MACROD2: variants seen among roughly 807,000 people sequenced by gnomAD.
MACROD2 encodes ADP-ribose glycohydrolase MACROD2.
A neutral mutation model predicts 70.4 loss-of-function variants in MACROD2; 36 were observed. The observed-to-expected ratio is 0.51, with a 90% CI of 0.39 to 0.68. The LOEUF (loss-of-function observed/expected upper bound fraction) is 0.68, where lower values mean the gene tolerates loss of function less well. Ranked by LOEUF, MACROD2 falls within the 30% of genes least tolerant of loss-of-function variation. MACROD2 has a pLI of 0.00. For synonymous variants in MACROD2, 172 were observed against 178.8 expected (o/e 0.96, Z 0.30); for missense variants, 496 against 538.4 (o/e 0.92, Z 0.78).
intron 4 of MACROD2, among the ~76,000 whole-genome samples, chr20:14,662,362 T>C (rs1986267471): frequency 6.6e-6 from 1 of 152,080 alleles, no homozygotes; most frequent in South Asian, 2.1e-4. Flanking sequence ...GACTTCAATG[T>C]AAAACCCAAA....
intron 5 of MACROD2, among the ~76,000 whole-genome samples, chr20:14,899,801 CAA>C (rs1428698780): frequency 6.6e-6 from 1 of 152,028 alleles, no homozygotes; most frequent in African/African-American, 2.4e-5. Context: ...CTGGAAGAAA[CAA>C]AAACAATAAC....
chr20:15,533,085 T>C (rs2047826464), intron 8 of MACROD2, among the ~76,000 whole-genome samples: 1 of 152,178 alleles, frequency 6.6e-6, no homozygotes, highest in South Asian at 2.1e-4. Flanking sequence ...TCTTAATAGG[T>C]GTAATGATGT....
At chr20:15,132,235 C>T (rs2076111840) in intron 5 of MACROD2, among the ~76,000 whole-genome samples, 1 of 151,806 alleles carries the variant, frequency 6.6e-6, no homozygotes, top group Admixed American at 6.6e-5. Flanking sequence ...AAGTTTTCAG[C>T]TGCAGGAAAT....
chr20:14,922,116 C>A (rs2074171456), intron 5 of MACROD2, among the ~76,000 whole-genome samples: 1 of 152,146 alleles, frequency 6.6e-6, no homozygotes, highest in African/African-American at 2.4e-5. Context: ...AAACAAATCT[C>A]CCATCTTTCC....
intron 12 of MACROD2, among the ~76,000 whole-genome samples, chr20:15,953,059 G>C (rs1420985246): frequency 6.6e-6 from 1 of 152,106 alleles, no homozygotes; most frequent in Non-Finnish European, 1.5e-5. Context: ...GTCATTCGTG[G>C]CAACATGGAT....
chr20:14,349,906 G>T lies in MACROD2; in HGVS notation c.272-143573G>T, dbSNP rs555538648. ...TGGAACTACAGGCATGCACCACCAC[G>T]CCCGGCTAATTTTTTGTATTTTAGT... On this transcript the variant is annotated intron_variant, in intron 3 of 17. Coordinates refer to ENST00000684519, the MANE Select transcript of MACROD2 (RefSeq NM_001351661.2). Among the ~76,000 whole-genome samples the T allele has an allele frequency of 5.6e-5, 8 of 143,868 alleles. No homozygotes were observed. In the East Asian group the frequency reaches 1.7e-3, roughly 30 times the overall value. 94.4% of individuals were successfully genotyped at this position (143,868 alleles called of 152,430 possible).
At chr20:14,937,948 T>A (rs2074355160) in intron 5 of MACROD2, among the ~76,000 whole-genome samples, 1 of 152,038 alleles carries the variant, frequency 6.6e-6, no homozygotes, top group Non-Finnish European at 1.5e-5. Context: ...TGTGCTTGGC[T>A]TATTTCACTT....
intron 4 of MACROD2, among the ~76,000 whole-genome samples, chr20:14,621,171 T>G (rs2123452485): frequency 6.6e-6 from 1 of 152,184 alleles, no homozygotes; most frequent in Non-Finnish European, 1.5e-5. Flanking sequence ...GATAAACTAA[T>G]TAATGATTGT....
At chr20:16,001,096 A>G (rs978498666) in intron 15 of MACROD2, among the ~76,000 whole-genome samples, 5 of 152,208 alleles carry the variant, frequency 3.3e-5, no homozygotes, top group Non-Finnish European at 7.3e-5. Context: ...TTTGATTTGG[A>G]TTTCAAATGT....
chr20:14,691,748 G>A (rs994096837), intron 5 of MACROD2, among the ~76,000 whole-genome samples: 14 of 152,182 alleles, frequency 9.2e-5, no homozygotes, highest in African/African-American at 3.4e-4. Context: ...TGGACATGCT[G>A]CTAGGAGTAT....
chr20:14,038,996 C>T (rs1027437320), intron 2 of MACROD2, among the ~76,000 whole-genome samples: 3 of 152,136 alleles, frequency 2.0e-5, no homozygotes, highest in Non-Finnish European at 2.9e-5. Context: ...ATTTTATCAG[C>T]ATGCTCTATG....
intron 3 of MACROD2, among the ~76,000 whole-genome samples, chr20:14,293,756 A>G (rs913874533): frequency 6.6e-6 from 1 of 151,886 alleles, no homozygotes; most frequent in Non-Finnish European, 1.5e-5. Flanking sequence ...GAGGAAAATG[A>G]TCACCAAGAA....
At position 15,400,523 on chromosome 20, in the gene MACROD2, A is replaced by G. The variant is rs140957624; in HGVS notation, c.541-30882A>G. Reference sequence around the variant, plus strand: ...TGGCATCCTCAGTGCCTCCTATCCAATGCAAAGTCAATAGATATTTTTCAA... The same window carrying G: ...TGGCATCCTCAGTGCCTCCTATCCAGTGCAAAGTCAATAGATATTTTTCAA... On this transcript the variant is annotated intron_variant, in intron 6 of 17. Coordinates refer to ENST00000684519, the MANE Select transcript of MACROD2 (RefSeq NM_001351661.2). Among the ~76,000 whole-genome samples the G allele has an allele frequency of 1.4e-4, 21 of 152,312 alleles. No homozygotes were observed. The South Asian group carries it at 1.5e-3, about 11-fold the overall frequency.
chr20:15,324,195 A>G (rs1333381444), intron 6 of MACROD2, among the ~76,000 whole-genome samples: 4 of 152,240 alleles, frequency 2.6e-5, no homozygotes, highest in South Asian at 2.1e-4. Flanking sequence ...CTCTCTCTCA[A>G]TTTAAAAAGG....
intron 5 of MACROD2, 71 bp downstream of exon 5, chr20:14,685,030 G>A: frequency 8.3e-7 from 1 of 1,208,370 alleles, no homozygotes; most frequent in Admixed American, 1.8e-5. Flanking sequence ...GTGTATAACT[G>A]GAAAAGGAAA....
chr20:14,875,676 C>T (rs1379979123), intron 5 of MACROD2, among the ~76,000 whole-genome samples: 1 of 151,930 alleles, frequency 6.6e-6, no homozygotes, highest in Admixed American at 6.6e-5. Flanking sequence ...CTATTATTTC[C>T]ATCTTTATGT....
At chr20:16,000,522 C>T (rs1417237992) in intron 15 of MACROD2, among the ~76,000 whole-genome samples, 1 of 152,210 alleles carries the variant, frequency 6.6e-6, no homozygotes, top group Non-Finnish European at 1.5e-5. Flanking sequence ...TATTACCTTA[C>T]TTTGACTTGG....
rs569655004 is a variant in MACROD2, at chr20:14,129,344, T to G, written c.271+43616T>G. Among the ~76,000 whole-genome samples, 3 of 152,338 alleles carry G rather than the reference T, an allele frequency of 2.0e-5. No homozygotes were observed. In the South Asian group the frequency reaches 6.2e-4, roughly 32 times the overall value. On this transcript the variant is annotated intron_variant, in intron 3 of 17. Transcript: ENST00000684519. ...GATATCGTGGAAATAGCAAGAATAT[T>G]AGAATTAGAAGTGAAATTCTAAAGA...
At chr20:14,901,010 G>A (rs1018327383) in intron 5 of MACROD2, among the ~76,000 whole-genome samples, 5 of 152,088 alleles carry the variant, frequency 3.3e-5, no homozygotes, top group African/African-American at 1.2e-4. Context: ...ATTTAAATGA[G>A]TAGATATACT....
Sources: allele counts gnomAD v4.1 joint callset (sites outside exome capture counted in the v4.1 genomes callset), GRCh38; gene constraint gnomAD v4.1.1; transcripts MANE v1.5; gene names NCBI Gene and HGNC (gene_info 2026-07-23, HGNC 2026-07-21).